PPM1E: variants seen among roughly 807,000 people sequenced by gnomAD.
PPM1E encodes the protein protein phosphatase 1E.
PPM1E carries 20 observed loss-of-function variants against 65.9 expected under a neutral mutation model. The ratio of observed to expected loss-of-function variants is 0.30; its 90% CI spans 0.21 to 0.44. PPM1E has a LOEUF of 0.44. PPM1E is among the 20% of genes least tolerant of loss of function. The pLI is 1.00. For synonymous variants in PPM1E, 352 were observed against 374.9 expected, an observed-to-expected ratio of 0.94 and a Z score of 0.70; for missense variants, 713 against 953.1, an observed-to-expected ratio of 0.75 and a Z score of 3.32.
At chr17:58,786,321 C>A (rs951587138) in intron 1 of PPM1E, among the ~76,000 whole-genome samples, 4 of 152,066 alleles carry the variant, frequency 2.6e-5, no homozygotes, top group Non-Finnish European at 4.4e-5. Flanking sequence ...GCCACCTTTT[C>A]ACTTTTAAGG....
chr17:58,922,176 ATT>A (rs1048907548), intron 1 of PPM1E, among the ~76,000 whole-genome samples: 1 of 145,024 alleles, frequency 6.9e-6, no homozygotes, highest in Non-Finnish European at 1.5e-5. Flanking sequence ...AGAAGAGTTG[ATT>A]TTTTTTTTTT....
In PPM1E at chr17:58,833,235, G is replaced by A. The variant is rs370849170; in HGVS notation, c.464+76774G>A. Among the ~76,000 whole-genome samples the A allele has an allele frequency of 1.3e-4, 20 of 151,264 alleles. No homozygotes were observed. The South Asian group carries it at 1.5e-3, about 11-fold the overall frequency. Reference sequence around the variant, plus strand: ...CCAAAGAAACTCCCATGTGCTAGCCGTTTACAGTCACACCCCAATCCTAAC... The same window carrying A: ...CCAAAGAAACTCCCATGTGCTAGCCATTTACAGTCACACCCCAATCCTAAC... On this transcript the variant is annotated intron_variant, in intron 1 of 6. Coordinates refer to ENST00000308249, the MANE Select transcript of PPM1E (RefSeq NM_014906.5).
chr17:58,973,655 AAAC>A (rs1349116389), intron 6 of PPM1E, among the ~76,000 whole-genome samples: 3 of 151,078 alleles, frequency 2.0e-5, no homozygotes, highest in African/African-American at 7.3e-5. Flanking sequence ...AAAAAACAAA[AAAC>A]AAAAAAAACA....
chr17:58,791,451 C>T (rs1296700700), intron 1 of PPM1E, among the ~76,000 whole-genome samples: 3 of 152,138 alleles, frequency 2.0e-5, no homozygotes, highest in Admixed American at 6.5e-5. Flanking sequence ...TTAACTGTGT[C>T]CCCAGCACGT....
intron 1 of PPM1E, among the ~76,000 whole-genome samples, chr17:58,917,323 T>C (rs925502122): frequency 6.6e-6 from 1 of 152,212 alleles, no homozygotes; most frequent in African/African-American, 2.4e-5. Context: ...ATTTATTATA[T>C]TATAATCGTT....
chr17:58,846,752 G>A (rs2050775991), intron 1 of PPM1E, among the ~76,000 whole-genome samples: 4 of 152,248 alleles, frequency 2.6e-5, no homozygotes, highest in Admixed American at 2.6e-4. Context: ...TGTCTTTATA[G>A]CAGCATGATT....
At chr17:58,854,445 T>C (rs2050860499) in intron 1 of PPM1E, among the ~76,000 whole-genome samples, 1 of 152,184 alleles carries the variant, frequency 6.6e-6, no homozygotes. Flanking sequence ...TCTAGCACTC[T>C]GTAGAATAGA....
chr17:58,838,030 C>G (rs2050680702), intron 1 of PPM1E, among the ~76,000 whole-genome samples: 1 of 152,136 alleles, frequency 6.6e-6, no homozygotes, highest in African/African-American at 2.4e-5. Context: ...AGATGTTATA[C>G]CTGTCACAAA....
At chr17:58,804,361 A>T (rs193281415) in intron 1 of PPM1E, among the ~76,000 whole-genome samples, 65 of 152,306 alleles carry the variant, frequency 4.3e-4, no homozygotes, top group African/African-American at 1.4e-3. Flanking sequence ...TGTTTTTATT[A>T]TACTCATAAA....
At chr17:58,883,971 T>C (rs1160569439) in intron 1 of PPM1E, among the ~76,000 whole-genome samples, 1 of 152,212 alleles carries the variant, frequency 6.6e-6, no homozygotes, top group Non-Finnish European at 1.5e-5. Context: ...TCTAATCTAC[T>C]GGGCTCAATC....
At chr17:58,825,263 C>CACACAA (rs199857029) in intron 1 of PPM1E, among the ~76,000 whole-genome samples, 1 of 133,390 alleles carries the variant, frequency 7.5e-6, no homozygotes, top group African/African-American at 3.0e-5. Context: ...CACACACACA[C>CACACAA]AAAAATAAAT....
At chr17:58,816,794 ATTTTT>A (rs71367634) in intron 1 of PPM1E, among the ~76,000 whole-genome samples, 255 of 16,544 alleles carry the variant, frequency 0.015, 4 homozygotes, top group Non-Finnish European at 0.023. Flanking sequence ...ATATATATAT[ATTTTT>A]TTTTTTTTTT....
chr17:58,985,046 G>A lies in PPM1E; in HGVS notation c.*4015G>A, dbSNP rs1019388699. The A allele has an allele frequency of 6.6e-6, 1 of 152,516 alleles. No individual in the cohort carries two copies. Among genetic ancestry groups the A allele is most frequent in the South Asian group, 2.1e-4 (1 of 4,820 alleles). The allele number at this position is 152,516 out of a possible 1,614,324, so 9.4% of individuals were successfully genotyped here. A position where few individuals can be genotyped will look rare whatever the true frequency, so the allele number is the denominator to read the frequency against. On this transcript the variant is annotated 3_prime_UTR_variant, in exon 7 of 7. Transcript: ENST00000308249. ...AATAAATTTATCAATTTACAAATCTGCTCTACATCTCACTTTTGAGTTCAG... is the reference window on the plus strand; with the variant it reads ...AATAAATTTATCAATTTACAAATCTACTCTACATCTCACTTTTGAGTTCAG...
In PPM1E at chr17:58,984,651, G is replaced by A. The variant is rs1031417200; in HGVS notation, c.*3620G>A. 3.3e-5 allele frequency: 5 copies of A among 152,524 alleles called. No individual in the cohort carries two copies. The highest frequency in any genetic ancestry group is 4.8e-5 in the African/African-American group (2 of 41,412). 9.4% of individuals were successfully genotyped at this position (152,524 alleles called of 1,614,324 possible). A position where few individuals can be genotyped will look rare whatever the true frequency, so the allele number is the denominator to read the frequency against. On this transcript the variant is annotated 3_prime_UTR_variant, in exon 7 of 7. Transcript: ENST00000308249. The stretch of plus-strand genomic sequence containing the variant: ...AATGCCCACTCTTCTATTCTGATCT[G>A]CAAATAGCTTAAATGTCTCTTGCAA...
chr17:58,794,490 G>T (rs1167379150), intron 1 of PPM1E, among the ~76,000 whole-genome samples: 1 of 152,168 alleles, frequency 6.6e-6, no homozygotes, highest in Non-Finnish European at 1.5e-5. Context: ...GGGGTTTGGT[G>T]TACAGATTAT....
intron 1 of PPM1E, among the ~76,000 whole-genome samples, chr17:58,882,287 C>A (rs2143394665): frequency 6.6e-6 from 1 of 152,208 alleles, no homozygotes; most frequent in Admixed American, 6.5e-5. Context: ...CATTCAAAAT[C>A]TTTTTCTGTT....
intron 1 of PPM1E, among the ~76,000 whole-genome samples, chr17:58,879,602 G>A (rs775973601): frequency 2.7e-4 from 38 of 138,456 alleles, no homozygotes; most frequent in Non-Finnish European, 4.7e-4. Flanking sequence ...TCCGCCTCCC[G>A]GGTTCACGCC....
intron 1 of PPM1E, among the ~76,000 whole-genome samples, chr17:58,897,142 C>T (rs542222369): frequency 5.3e-5 from 8 of 152,162 alleles, no homozygotes; most frequent in South Asian, 2.1e-4. Context: ...CGGCCGGGCG[C>T]GGTGGCTCAC....
chr17:58,951,162 T>G (rs1409372252), intron 1 of PPM1E: 1 of 152,206 alleles, frequency 6.6e-6, no homozygotes, highest in Non-Finnish European at 1.5e-5. Context: ...TCTCATTGCG[T>G]TTCCTTAACA....
Sources: allele counts gnomAD v4.1 joint callset (sites outside exome capture counted in the v4.1 genomes callset), GRCh38; gene constraint gnomAD v4.1.1; transcripts MANE v1.5; gene names NCBI Gene and HGNC (gene_info 2026-07-23, HGNC 2026-07-21).